The following CNTN5 variants were observed in gnomAD, a reference collection of about 807,000 sequenced individuals.
CNTN5 encodes the protein contactin-5.
In CNTN5, 77 loss-of-function variants were observed where a neutral mutation model predicts 129.1. The observed-to-expected ratio is 0.60, with a 90% CI of 0.50 to 0.72. The LOEUF (loss-of-function observed/expected upper bound fraction) is 0.72. Ranked by LOEUF, CNTN5 falls within the 30% of genes least tolerant of loss-of-function variation. The pLI, the probability that CNTN5 is intolerant of heterozygous loss-of-function variation, is 0.00. For synonymous variants in CNTN5, 509 were observed against 465.6 expected, an observed-to-expected ratio of 1.09 and a Z score of -1.20; for missense variants, 1,478 against 1,328.8, an observed-to-expected ratio of 1.11 and a Z score of -1.75.
chr11:100,197,467 G>T (rs557071583), intron 15 of CNTN5, among the ~76,000 whole-genome samples: 3 of 151,966 alleles, frequency 2.0e-5, no homozygotes, highest in Non-Finnish European at 2.9e-5. Context: ...ATCGTTGTAA[G>T]TGTTGACCTT....
chr11:100,348,655 A>C (rs2139033394), intron 23 of CNTN5, among the ~76,000 whole-genome samples: 1 of 152,094 alleles, frequency 6.6e-6, no homozygotes, highest in Non-Finnish European at 1.5e-5. Context: ...CTTTCTAATT[A>C]CCTCACATGG....
At chr11:99,598,251 T>C (rs1349795550) in intron 3 of CNTN5, among the ~76,000 whole-genome samples, 1 of 51,524 alleles carries the variant, frequency 1.9e-5, no homozygotes, top group African/African-American at 6.9e-5. Context: ...TCCTTTTTCT[T>C]AGCTTTCCTT....
At chr11:100,152,226 G>C (rs965523528) in intron 13 of CNTN5, among the ~76,000 whole-genome samples, 1 of 151,994 alleles carries the variant, frequency 6.6e-6, no homozygotes, top group African/African-American at 2.4e-5. Context: ...CGTTCTTTTA[G>C]GCTATGATCA....
intron 2 of CNTN5, among the ~76,000 whole-genome samples, chr11:99,378,265 T>C (rs910630608): frequency 1.3e-5 from 2 of 152,144 alleles, no homozygotes; most frequent in African/African-American, 4.8e-5. Flanking sequence ...TCTATTTTCG[T>C]AAAGCTGTTT....
intron 1 of CNTN5, among the ~76,000 whole-genome samples, chr11:99,186,644 G>GA (rs967404816): frequency 1.2e-4 from 18 of 151,792 alleles, no homozygotes; most frequent in Non-Finnish European, 1.9e-4. Context: ...CAAAGTTAAA[G>GA]AAAAAAATGC....
intron 1 of CNTN5, among the ~76,000 whole-genome samples, chr11:99,102,186 T>C (rs1335742276): frequency 6.6e-6 from 1 of 152,088 alleles, no homozygotes; most frequent in East Asian, 1.9e-4. Flanking sequence ...GTACCTAGAC[T>C]GCAGACAGCA....
chr11:99,561,889 T>G (rs543373428), intron 3 of CNTN5, among the ~76,000 whole-genome samples: 7 of 152,262 alleles, frequency 4.6e-5, no homozygotes, highest in Non-Finnish European at 1.0e-4. Context: ...GTCAAGTATG[T>G]GTGTTAGTGA....
chr11:99,193,472 G>C (rs886932972), intron 1 of CNTN5, among the ~76,000 whole-genome samples: 1 of 152,076 alleles, frequency 6.6e-6, no homozygotes, highest in East Asian at 1.9e-4. Flanking sequence ...TTGTCTTGTT[G>C]ATAAATCCAA....
Position 100,094,415 on chromosome 11 carries a change from G to A in CNTN5, c.1580+20121G>A, listed in dbSNP as rs117545588. Among the ~76,000 whole-genome samples, 4 of 152,266 alleles carry A rather than the reference G, an allele frequency of 2.6e-5. No homozygotes were observed. The East Asian group carries it at 7.7e-4, about 29-fold the overall frequency. On this transcript the variant is annotated intron_variant, in intron 13 of 24. Coordinates refer to ENST00000524871, the MANE Select transcript of CNTN5 (RefSeq NM_014361.4). ...CAGCTGCATAATCATTTAGCTTAAAGTGACATTTTAAAATCTCAGTTTTCT... is the reference window on the plus strand; with the variant it reads ...CAGCTGCATAATCATTTAGCTTAAAATGACATTTTAAAATCTCAGTTTTCT...
In CNTN5 at chr11:100,097,153, C is replaced by G. The variant is rs557713677; in HGVS notation, c.1580+22859C>G. On this transcript the variant is annotated intron_variant, in intron 13 of 24. Transcript: ENST00000524871. ...TAAGTGATTCTGGGGCAGAAAAATACCTTTATAATCCTAATATATCACAAT... is the reference window on the plus strand; with the variant it reads ...TAAGTGATTCTGGGGCAGAAAAATAGCTTTATAATCCTAATATATCACAAT... Among the ~76,000 whole-genome samples the G allele has an allele frequency of 1.1e-3, 164 of 152,150 alleles. 4 individuals carry two copies. Among genetic ancestry groups the G allele is most frequent in the Non-Finnish European group, 4.7e-4 (32 of 67,982 alleles).
chr11:100,019,265 T>C (rs1432241605), intron 9 of CNTN5, among the ~76,000 whole-genome samples: 3 of 151,946 alleles, frequency 2.0e-5, no homozygotes, highest in African/African-American at 7.2e-5. Context: ...CTAAAAGTTT[T>C]ATAGTTTTAT....
intron 13 of CNTN5, among the ~76,000 whole-genome samples, chr11:100,092,134 T>A (rs895169430): frequency 6.6e-6 from 1 of 152,036 alleles, no homozygotes; most frequent in Non-Finnish European, 1.5e-5. Context: ...AATCAGAAGG[T>A]TGTAAGCAGA....
chr11:99,324,218 T>C, intron 1 of CNTN5, among the ~76,000 whole-genome samples: 1 of 150,656 alleles, frequency 6.6e-6, no homozygotes, highest in East Asian at 1.9e-4. Context: ...ATCAATCTGA[T>C]CATGAAATAT....
At chr11:99,383,393 G>A (rs1940722717) in intron 2 of CNTN5, among the ~76,000 whole-genome samples, 1 of 152,178 alleles carries the variant, frequency 6.6e-6, no homozygotes, top group Non-Finnish European at 1.5e-5. Flanking sequence ...AAATTGGTTT[G>A]CTAATGATAG....
At chr11:99,219,037 C>T (rs1027849698) in intron 1 of CNTN5, among the ~76,000 whole-genome samples, 2 of 151,952 alleles carry the variant, frequency 1.3e-5, no homozygotes, top group Admixed American at 1.3e-4. Flanking sequence ...AAATAACACC[C>T]ATCTTATTAT....
chr11:99,877,149 ATTAACT>A (rs557188657), intron 6 of CNTN5, among the ~76,000 whole-genome samples: 83 of 152,300 alleles, frequency 5.4e-4, no homozygotes, highest in Non-Finnish European at 1.0e-3. Context: ...CCCTTTGGAA[ATTAACT>A]TTAAAAGTGT....
At chr11:99,032,589 C>A (rs1863452178) in intron 1 of CNTN5, among the ~76,000 whole-genome samples, 2 of 152,084 alleles carry the variant, frequency 1.3e-5, no homozygotes, top group East Asian at 1.9e-4. Context: ...CTGTTCATGT[C>A]CTTCACCCAC....
At chr11:99,857,840 A>G (rs2135752102) in intron 6 of CNTN5, among the ~76,000 whole-genome samples, 1 of 152,212 alleles carries the variant, frequency 6.6e-6, no homozygotes, top group South Asian at 2.1e-4. Context: ...CTCTTTATTG[A>G]TCTCCGTGGC....
At chr11:99,153,649 C>T (rs1024556657) in intron 1 of CNTN5, among the ~76,000 whole-genome samples, 2 of 152,068 alleles carry the variant, frequency 1.3e-5, no homozygotes, top group African/African-American at 4.8e-5. Context: ...ATTTCAGCCA[C>T]TTCAGGCAAG....
Sources: allele counts gnomAD v4.1 joint callset (sites outside exome capture counted in the v4.1 genomes callset), GRCh38; gene constraint gnomAD v4.1.1; transcripts MANE v1.5; gene names NCBI Gene and HGNC (gene_info 2026-07-23, HGNC 2026-07-21).